Variants in CTNND2 observed in about 807,000 individuals in gnomAD.
CTNND2 encodes catenin delta 2, also known as catenin delta-2.
CTNND2 carries 22 observed loss-of-function variants against 144.4 expected under a neutral mutation model. The ratio of observed to expected loss-of-function variants is 0.15; its 90% CI spans 0.11 to 0.22. CTNND2 has a LOEUF of 0.22. CTNND2 is among the 10% of genes least tolerant of loss of function. The pLI, the probability that CTNND2 is intolerant of heterozygous loss-of-function variation, is 1.00. For missense variants in CTNND2, 1,353 were observed against 1,618.8 expected (o/e 0.84, Z 2.82); for synonymous variants, 751 against 695.6 (o/e 1.08, Z -1.25).
chr5:11,770,241 C>G (rs763987202), intron 1 of CTNND2, among the ~76,000 whole-genome samples: 1 of 152,064 alleles, frequency 6.6e-6, no homozygotes, highest in Admixed American at 6.5e-5. Flanking sequence ...TTTTTCAAAA[C>G]ATGGAACTAA....
chr5:11,639,287 C>T (rs1781872105), intron 2 of CTNND2, among the ~76,000 whole-genome samples: 1 of 152,124 alleles, frequency 6.6e-6, no homozygotes, highest in Admixed American at 6.6e-5. Context: ...TCAGTTCTGG[C>T]TATTTAAAAT....
At chr5:11,502,219 T>C (rs2150010761) in intron 3 of CTNND2, among the ~76,000 whole-genome samples, 1 of 152,218 alleles carries the variant, frequency 6.6e-6, no homozygotes, top group South Asian at 2.1e-4. Context: ...GCCACCCATT[T>C]TGTGAAAATT....
chr5:11,250,491 C>CTCTA (rs869141186), intron 9 of CTNND2, among the ~76,000 whole-genome samples: 1,294 of 64,024 alleles, frequency 0.02, 19 homozygotes, highest in East Asian at 0.035. Flanking sequence ...CTCTCTCTCT[C>CTCTA]TATATATATA....
At chr5:11,289,666 C>T (rs1202412796) in intron 9 of CTNND2, among the ~76,000 whole-genome samples, 1 of 152,114 alleles carries the variant, frequency 6.6e-6, no homozygotes, top group Non-Finnish European at 1.5e-5. Flanking sequence ...GCTCTCTGGG[C>T]CCAGGGGACC....
intron 1 of CTNND2, among the ~76,000 whole-genome samples, chr5:11,791,792 T>G (rs1489603878): frequency 1.3e-5 from 2 of 152,188 alleles, no homozygotes; most frequent in Non-Finnish European, 2.9e-5. Context: ...TCCATAATCT[T>G]TCCTAGGTAG....
At chr5:11,342,124 G>C (rs766912712) in intron 9 of CTNND2, among the ~76,000 whole-genome samples, 2 of 151,964 alleles carry the variant, frequency 1.3e-5, no homozygotes, top group Non-Finnish European at 2.9e-5. Context: ...GTCGTGAACA[G>C]TTAAAAAAAG....
intron 3 of CTNND2, among the ~76,000 whole-genome samples, chr5:11,561,975 G>C (rs910845647): frequency 1.4e-4 from 21 of 151,902 alleles, no homozygotes; most frequent in African/African-American, 4.8e-4. Context: ...GAACCCAGGA[G>C]GGGGAGGCTG....
intron 16 of CTNND2, among the ~76,000 whole-genome samples, chr5:11,066,444 C>T (rs1014406455): frequency 6.6e-6 from 1 of 151,830 alleles, no homozygotes; most frequent in Non-Finnish European, 1.5e-5. Context: ...TTACCTACAG[C>T]CCCCCTCACT....
intron 6 of CTNND2, among the ~76,000 whole-genome samples, chr5:11,395,680 C>T (rs1350096411): frequency 6.6e-6 from 1 of 152,204 alleles, no homozygotes; most frequent in Non-Finnish European, 1.5e-5. Flanking sequence ...TCCTATCATT[C>T]AGCATTGTGA....
intron 3 of CTNND2, among the ~76,000 whole-genome samples, chr5:11,439,881 G>A (rs2149890609): frequency 6.6e-6 from 1 of 151,272 alleles, no homozygotes; most frequent in Non-Finnish European, 1.5e-5. Flanking sequence ...ATGTTGCTCA[G>A]TCTGGTCTTG....
intron 15 of CTNND2, among the ~76,000 whole-genome samples, chr5:11,095,523 T>C (rs1256343915): frequency 1.3e-5 from 2 of 152,244 alleles, no homozygotes; most frequent in Non-Finnish European, 2.9e-5. Context: ...TAGACATGGA[T>C]AGTAATTGAG....
chr5:11,809,007 T>C (rs1048700751), intron 1 of CTNND2, among the ~76,000 whole-genome samples: 3 of 152,304 alleles, frequency 2.0e-5, no homozygotes, highest in South Asian at 2.1e-4. Context: ...TACTTCAATA[T>C]GGGCATAATG....
chr5:11,357,683 T>C (rs1247347062), intron 8 of CTNND2, among the ~76,000 whole-genome samples: 3 of 152,114 alleles, frequency 2.0e-5, no homozygotes. Flanking sequence ...AGAGAGGCTT[T>C]TGAATGTTCT....
At chr5:11,705,456 C>T (rs1785649329) in intron 2 of CTNND2, among the ~76,000 whole-genome samples, 2 of 152,092 alleles carry the variant, frequency 1.3e-5, no homozygotes, top group South Asian at 4.1e-4. Flanking sequence ...ATAGCCAGAT[C>T]CCTTATATGA....
At chr5:11,756,403 A>G (rs956268435) in intron 1 of CTNND2, among the ~76,000 whole-genome samples, 4 of 151,778 alleles carry the variant, frequency 2.6e-5, no homozygotes, top group Non-Finnish European at 5.9e-5. Context: ...ATGTAACTCC[A>G]ATATAAAATT....
intron 1 of CTNND2, among the ~76,000 whole-genome samples, chr5:11,801,919 C>A (rs1791702994): frequency 6.6e-6 from 1 of 152,036 alleles, no homozygotes; most frequent in Admixed American, 6.5e-5. Flanking sequence ...AATGAAACTA[C>A]CACCCAGAAA....
At chr5:11,545,732 A>G (rs1315280503) in intron 3 of CTNND2, among the ~76,000 whole-genome samples, 1 of 151,902 alleles carries the variant, frequency 6.6e-6, no homozygotes, top group Non-Finnish European at 1.5e-5. Flanking sequence ...TAAAGTGACC[A>G]AGCAATTCTG....
intron 12 of CTNND2, among the ~76,000 whole-genome samples, chr5:11,124,693 G>A (rs1290816321): frequency 6.6e-6 from 1 of 152,120 alleles, no homozygotes; most frequent in Admixed American, 6.5e-5. Context: ...CGGGTCACTG[G>A]CACGATCAAC....
At chr5:11,452,154 A>G (rs540094525) in intron 3 of CTNND2, among the ~76,000 whole-genome samples, 1 of 152,366 alleles carries the variant, frequency 6.6e-6, no homozygotes, top group African/African-American at 2.4e-5. Flanking sequence ...AAATATCTAT[A>G]TAGGTGGATA....
Sources: gnomAD v4.1 joint callset for allele counts (sites outside exome capture counted in the v4.1 genomes callset) on GRCh38, gnomAD v4.1.1 for gene constraint, MANE v1.5 for transcripts, NCBI Gene and HGNC (gene_info 2026-07-23, HGNC 2026-07-21) for gene names.